METTL24: variants seen among roughly 807,000 people sequenced by gnomAD.
METTL24 encodes the protein probable methyltransferase-like protein 24.
Under a neutral mutation model 32.7 loss-of-function variants are expected in METTL24, and 29 were observed. That is an observed-to-expected ratio of 0.89 (90% CI 0.66 to 1.21). The LOEUF (loss-of-function observed/expected upper bound fraction) is 1.21. Ranked by LOEUF, METTL24 falls within the 50% of genes most tolerant of loss-of-function variation. The pLI is 0.00. For synonymous variants in METTL24, 163 were observed against 179.5 expected (o/e 0.91, Z 0.73); for missense variants, 439 against 468.1 (o/e 0.94, Z 0.57).
At chr6:110,272,620 G>A (rs1017942780) in intron 4 of METTL24, among the ~76,000 whole-genome samples, 3 of 152,042 alleles carry the variant, frequency 2.0e-5, no homozygotes, top group Non-Finnish European at 4.4e-5. Flanking sequence ...CCACATTCAC[G>A]CCAACATCTA....
At chr6:110,253,838 A>G (rs1199085344) in intron 4 of METTL24, 9 of 1,370,848 alleles carry the variant, frequency 6.6e-6, no homozygotes, top group Admixed American at 3.1e-5. Context: ...GACTATGAAT[A>G]TATTTCCATG....
At chr6:110,309,900 A>C (rs1381894429) in intron 3 of METTL24, among the ~76,000 whole-genome samples, 1 of 152,146 alleles carries the variant, frequency 6.6e-6, no homozygotes, top group Non-Finnish European at 1.5e-5. Context: ...ACAAAACAAA[A>C]AACCCTTTCC....
rs1295404005 is a variant in METTL24, at chr6:110,244,073, G to A, written c.*1873C>T. Among the ~76,000 whole-genome samples the A allele has an allele frequency of 6.6e-6, 1 of 152,170 alleles. No individual in the cohort carries two copies. Among genetic ancestry groups the A allele is most frequent in the Admixed American group, 6.5e-5 (1 of 15,272 alleles). ...TCCACTTAACTTTTAATGTAGAAAG[G>A]ATCGGTGCTATTGAAAAACTGTCTA... On this transcript the variant is annotated 3_prime_UTR_variant, in exon 5 of 5. Transcript: ENST00000338882.
intron 3 of METTL24, among the ~76,000 whole-genome samples, chr6:110,300,469 G>A (rs567100470): frequency 9.8e-5 from 14 of 143,096 alleles, no homozygotes; most frequent in African/African-American, 1.6e-4. Context: ...CACCCAGGCC[G>A]GAGCATAGTG....
intron 2 of METTL24, among the ~76,000 whole-genome samples, chr6:110,316,014 C>T (rs1355919501): frequency 1.3e-5 from 2 of 152,116 alleles, no homozygotes; most frequent in South Asian, 2.1e-4. Context: ...TAAGGTGGGG[C>T]CACTAAGGTC....
chr6:110,329,610 C>T (rs1317233811), intron 1 of METTL24, among the ~76,000 whole-genome samples: 1 of 152,142 alleles, frequency 6.6e-6, no homozygotes, highest in Non-Finnish European at 1.5e-5. Context: ...GTTTCTGTAA[C>T]GCCCTCAGTG....
At chr6:110,256,502 C>A (rs1461208753) in intron 4 of METTL24, among the ~76,000 whole-genome samples, 1 of 152,162 alleles carries the variant, frequency 6.6e-6, no homozygotes, top group Non-Finnish European at 1.5e-5. Flanking sequence ...TCCTTTAGGG[C>A]AGGAATCTAA....
intron 4 of METTL24, among the ~76,000 whole-genome samples, chr6:110,271,659 A>G (rs1355012845): frequency 6.6e-6 from 1 of 152,190 alleles, no homozygotes; most frequent in Non-Finnish European, 1.5e-5. Context: ...TATATAATCT[A>G]CATTTTTTTC....
At chr6:110,329,717 C>G (rs1373027285) in intron 1 of METTL24, among the ~76,000 whole-genome samples, 1 of 152,020 alleles carries the variant, frequency 6.6e-6, no homozygotes, top group Non-Finnish European at 1.5e-5. Flanking sequence ...GTTTCTCAGA[C>G]CCGGCCCTGC....
At chr6:110,303,435 C>G (rs1041650913) in intron 3 of METTL24, among the ~76,000 whole-genome samples, 1 of 152,174 alleles carries the variant, frequency 6.6e-6, no homozygotes, top group Non-Finnish European at 1.5e-5. Context: ...TCGCTGCTAG[C>G]ACAGCAGTCT....
At chr6:110,315,051 T>C (rs1771793399) in intron 3 of METTL24, among the ~76,000 whole-genome samples, 1 of 151,964 alleles carries the variant, frequency 6.6e-6, no homozygotes, top group Admixed American at 6.6e-5. Context: ...ATGCTCTTAG[T>C]CTAGCTGGAA....
intron 2 of METTL24, among the ~76,000 whole-genome samples, chr6:110,320,536 C>T (rs1295130891): frequency 2.0e-5 from 3 of 152,130 alleles, no homozygotes; most frequent in African/African-American, 4.8e-5. Flanking sequence ...CTAAAATGGC[C>T]CCGCATTAAA....
chr6:110,335,454 C>A (rs1298546607), intron 1 of METTL24, among the ~76,000 whole-genome samples: 4 of 151,940 alleles, frequency 2.6e-5, no homozygotes, highest in Admixed American at 6.6e-5. Flanking sequence ...AGAAAAACAA[C>A]CTTCCATCCA....
rs74438983 is a variant in METTL24 at position 110,330,558 on chromosome 6, C to G, written c.319-7686G>C. Among the ~76,000 whole-genome samples, 31 of 152,222 alleles carry G rather than the reference C, an allele frequency of 2.0e-4. No homozygotes were observed. The East Asian group carries it at 6.0e-3, about 30-fold the overall frequency. On this transcript the variant is annotated intron_variant, in intron 1 of 4. Transcript: ENST00000338882. ...ACTCTAGAACTGTGCATGTGTGGATCTGATCCTGCCTGGCACAGCAAAGAC... is the reference window on the plus strand; with the variant it reads ...ACTCTAGAACTGTGCATGTGTGGATGTGATCCTGCCTGGCACAGCAAAGAC...
chr6:110,259,346 C>A (rs1239644543), intron 4 of METTL24, among the ~76,000 whole-genome samples: 2 of 152,182 alleles, frequency 1.3e-5, no homozygotes, highest in African/African-American at 2.4e-5. Flanking sequence ...GAGGGTCCTA[C>A]ACCCATGGAG....
intron 4 of METTL24, among the ~76,000 whole-genome samples, chr6:110,267,840 G>T (rs182451621): frequency 1.3e-3 from 197 of 152,282 alleles, no homozygotes; most frequent in African/African-American, 4.5e-3. Flanking sequence ...ATGGGAACAG[G>T]CATGTCAAAT....
intron 3 of METTL24, among the ~76,000 whole-genome samples, chr6:110,310,464 A>C (rs989932460): frequency 6.6e-6 from 1 of 151,848 alleles, no homozygotes; most frequent in African/African-American, 2.4e-5. Context: ...CACTCCAGAC[A>C]TGAGAAGACT....
intron 4 of METTL24, among the ~76,000 whole-genome samples, chr6:110,266,014 C>T (rs1235999677): frequency 6.6e-6 from 1 of 152,010 alleles, no homozygotes; most frequent in African/African-American, 2.4e-5. Context: ...AATCCTCCTA[C>T]CTCAGCCTCC....
chr6:110,306,333 TAAATA>T (rs1389810491), intron 3 of METTL24, among the ~76,000 whole-genome samples: 1 of 151,308 alleles, frequency 6.6e-6, no homozygotes, highest in Non-Finnish European at 1.5e-5. Flanking sequence ...AAATATTATT[TAAATA>T]AAATAAAACT....
Sources: gnomAD v4.1 joint callset for allele counts (sites outside exome capture counted in the v4.1 genomes callset) on GRCh38, gnomAD v4.1.1 for gene constraint, MANE v1.5 for transcripts, NCBI Gene and HGNC (gene_info 2026-07-23, HGNC 2026-07-21) for gene names.